The following ADH7 variants were observed in gnomAD, a reference collection of about 807,000 sequenced individuals.
ADH7 encodes all-trans-retinol dehydrogenase [NAD(+)] ADH7.
ADH7 carries 41 observed loss-of-function variants against 34.4 expected under a neutral mutation model. That is an observed-to-expected ratio of 1.19 (90% CI 0.93 to 1.55). ADH7 has a LOEUF of 1.55. ADH7 is among the 40% of genes most tolerant of loss of function. The pLI is 0.00. For missense variants in ADH7, 540 were observed against 461.2 expected (o/e 1.17, Z -1.56); for synonymous variants, 180 against 160.9 (o/e 1.12, Z -0.90).
At chr4:99,415,437 G>A (rs1252807401) in intron 8 of ADH7, 41 bp downstream of exon 8, 3 of 1,588,020 alleles carry the variant, frequency 1.9e-6, no homozygotes, top group African/African-American at 1.4e-5. Context: ...TTTAAAAGTA[G>A]CCTGTGGAGA....
In ADH7 at chr4:99,428,083, C is replaced by T. The variant is rs1477910643; in HGVS notation, c.347+4G>A. ...ACATTAAAGTAAAAATGACTGAAACCTACTCGCTCCTAATGCAAAGGTTGC... is the reference window on the plus strand; with the variant it reads ...ACATTAAAGTAAAAATGACTGAAACTTACTCGCTCCTAATGCAAAGGTTGC... On this transcript the variant is annotated splice_donor_region_variant and intron_variant, in intron 4 of 8. Coordinates refer to ENST00000437033, the MANE Select transcript of ADH7 (RefSeq NM_000673.7). 4.2e-5 allele frequency: 68 copies of T among 1,613,550 alleles called. No homozygotes were observed. The highest frequency in any genetic ancestry group is 5.3e-5 in the Non-Finnish European group (63 of 1,179,782).
chr4:99,429,105 G>A (rs889738750), intron 2 of ADH7, among the ~76,000 whole-genome samples: 1 of 152,146 alleles, frequency 6.6e-6, no homozygotes, highest in Non-Finnish European at 1.5e-5. Context: ...CCAAAGCCAA[G>A]GTTAAGCTCT....
At chr4:99,422,949 C>T (rs1363062560) in intron 5 of ADH7, among the ~76,000 whole-genome samples, 8 of 145,636 alleles carry the variant, frequency 5.5e-5, no homozygotes, top group Non-Finnish European at 1.2e-4. Context: ...CATATGTATA[C>T]ATGTGCCATG....
chr4:99,424,697 A>T (rs543739295), intron 5 of ADH7, among the ~76,000 whole-genome samples: 1 of 151,984 alleles, frequency 6.6e-6, no homozygotes, highest in Non-Finnish European at 1.5e-5. Context: ...GGTGTGTAAG[A>T]ATGCTTGTGA....
intron 5 of ADH7, among the ~76,000 whole-genome samples, chr4:99,424,119 CATTTAT>C (rs1260754405): frequency 1.3e-5 from 2 of 152,072 alleles, no homozygotes; most frequent in Non-Finnish European, 2.9e-5. Context: ...TTCCCAGCAC[CATTTAT>C]TAAATAGGGA....
intron 7 of ADH7, among the ~76,000 whole-genome samples, chr4:99,418,337 T>A (rs1174163017): frequency 6.6e-6 from 1 of 152,136 alleles, no homozygotes; most frequent in Admixed American, 6.6e-5. Flanking sequence ...TATTCTCTTA[T>A]ATTGTATAAA....
chr4:99,413,233 T>G, intron 8 of ADH7, 61 bp from the exon 9 acceptor site: 1 of 1,566,792 alleles, frequency 6.4e-7, no homozygotes, highest in Non-Finnish European at 8.8e-7. Context: ...AAAGGATAGT[T>G]TAAACAATTG....
At chr4:99,420,938 T>C in intron 5 of ADH7, 145 bp from the exon 6 acceptor site, 2 of 728,874 alleles carry the variant, frequency 2.7e-6, no homozygotes, top group South Asian at 1.9e-5. Flanking sequence ...GGAATACAAC[T>C]TACAAGGGAT....
intron 1 of ADH7, chr4:99,434,957 C>A (rs760926540): frequency 7.7e-7 from 1 of 1,300,356 alleles, no homozygotes; most frequent in East Asian, 2.5e-5. Flanking sequence ...ATGAATAATG[C>A]CAATATAAAT....
At chr4:99,428,301 G>A (rs138835495) in intron 3 of ADH7, 127 bp from the exon 4 acceptor site, 137 of 1,211,710 alleles carry the variant, frequency 1.1e-4, no homozygotes, top group Middle Eastern at 6.1e-4. Flanking sequence ...TATAAACACC[G>A]TAAGGTTTGC....
At chr4:99,429,038 G>A (rs1273859085) in intron 2 of ADH7, among the ~76,000 whole-genome samples, 3 of 152,170 alleles carry the variant, frequency 2.0e-5, no homozygotes, top group Non-Finnish European at 4.4e-5. Context: ...TTGTGCTCAG[G>A]TAACAGTAAG....
chr4:99,431,640 G>A (rs551966827), intron 1 of ADH7, among the ~76,000 whole-genome samples: 4 of 151,758 alleles, frequency 2.6e-5, no homozygotes, highest in African/African-American at 9.7e-5. Flanking sequence ...CACAAACAAC[G>A]CCATAAAAAA....
chr4:99,416,606 C>T (rs187028264), intron 7 of ADH7, among the ~76,000 whole-genome samples: 66 of 152,224 alleles, frequency 4.3e-4, no homozygotes, highest in South Asian at 1.2e-3. Flanking sequence ...CTAACTCCAA[C>T]GATTCCTAGG....
At chr4:99,423,047 T>G (rs1721705266) in intron 5 of ADH7, among the ~76,000 whole-genome samples, 1 of 113,160 alleles carries the variant, frequency 8.8e-6, no homozygotes, top group African/African-American at 3.4e-5. Flanking sequence ...CCCACAACAG[T>G]CTCCAGAGTG....
chr4:99,418,205 C>T (rs887122307), intron 7 of ADH7, among the ~76,000 whole-genome samples: 1 of 152,262 alleles, frequency 6.6e-6, no homozygotes, highest in East Asian at 1.9e-4. Context: ...TATAGCTGCA[C>T]TTATTTTTAT....
rs1196014811 is a variant in ADH7, at chr4:99,412,368, G to A, written c.*780C>T. ...CTAAAAACACTTTTTATTAAATGGA[G>A]TCACTACTAAGCACAGTGAATAGGG... is the stretch of plus-strand genomic sequence containing the variant. On this transcript the variant is annotated 3_prime_UTR_variant, in exon 9 of 9. Transcript: ENST00000437033. The A allele has an allele frequency of 6.6e-6, 1 of 151,954 alleles. No individual in the cohort carries two copies. The highest frequency in any genetic ancestry group is 1.5e-5 in the Non-Finnish European group (1 of 67,956). The allele number at this position is 151,954 out of a possible 1,614,324, so 9.4% of individuals were successfully genotyped here. A position where few individuals can be genotyped will look rare whatever the true frequency, so the allele number is the denominator to read the frequency against.
At chr4:99,431,957 C>T (rs1340468775) in intron 1 of ADH7, among the ~76,000 whole-genome samples, 56 of 152,270 alleles carry the variant, frequency 3.7e-4, no homozygotes, top group Non-Finnish European at 1.5e-5. Context: ...CCAGCAATCC[C>T]ATTATTGGGT....
At chr4:99,424,652 G>A (rs947558193) in intron 5 of ADH7, among the ~76,000 whole-genome samples, 1 of 152,170 alleles carries the variant, frequency 6.6e-6, no homozygotes, top group African/African-American at 2.4e-5. Context: ...TTGTGAATGG[G>A]AGTTCACTCA....
chr4:99,431,618 T>C (rs1448268287), intron 1 of ADH7, among the ~76,000 whole-genome samples: 1 of 151,964 alleles, frequency 6.6e-6, no homozygotes, highest in Admixed American at 6.6e-5. Context: ...TTAAACAAAA[T>C]AATAAGCAAA....
Sources: gnomAD v4.1 joint callset for allele counts (sites outside exome capture counted in the v4.1 genomes callset) on GRCh38, gnomAD v4.1.1 for gene constraint, MANE v1.5 for transcripts, NCBI Gene and HGNC (gene_info 2026-07-23, HGNC 2026-07-21) for gene names.